Variants in PCDHGB2 observed in about 807,000 individuals in gnomAD.
The protein encoded by PCDHGB2 is protocadherin gamma-B2.
In PCDHGB2, 55 loss-of-function variants were observed where a neutral mutation model predicts 59.3. The observed-to-expected ratio is 0.93, with a 90% confidence interval of 0.75 to 1.16. The LOEUF (loss-of-function observed/expected upper bound fraction) is 1.16. Among genes scored for constraint, PCDHGB2 ranks in the 50% most tolerant of loss-of-function variants. The pLI is 0.00. For missense variants in PCDHGB2, 1,228 were observed against 1,198.5 expected (o/e 1.02, Z -0.36); for synonymous variants, 516 against 512.0 (o/e 1.01, Z -0.11).
chr5:141,375,892 G>T (rs753797132), intron 1 of PCDHGB2: 1 of 1,613,794 alleles, frequency 6.2e-7, no homozygotes, highest in African/African-American at 1.3e-5. Context: ...AGAACGCCTG[G>T]CTGTCCTACC....
Position 141,422,832 on chromosome 5 carries a change from A to G in PCDHGB2, c.2421+60276A>G, listed in dbSNP as rs12520854. On this transcript the variant is annotated intron_variant, in intron 1 of 3. Coordinates refer to ENST00000522605, the MANE Select transcript of PCDHGB2 (RefSeq NM_018923.3). Reference sequence around the variant, plus strand: ...GAGACTTAGAACTGAGAGTGATAGCACGTGACAGCGGGGACCCGCCCCTCA... The same window carrying G: ...GAGACTTAGAACTGAGAGTGATAGCGCGTGACAGCGGGGACCCGCCCCTCA... The G allele has an allele frequency of 6.8e-3, 10,902 of 1,614,192 alleles. 60 individuals are homozygous for G. The highest frequency in any genetic ancestry group is 7.9e-3 in the Non-Finnish European group (9,294 of 1,180,036).
chr5:141,389,443 A>G (rs2091769935), intron 1 of PCDHGB2: 1 of 1,610,442 alleles, frequency 6.2e-7, no homozygotes, highest in Non-Finnish European at 8.5e-7. Context: ...GCCTTCGACC[A>G]CGAGCAGCTG....
chr5:141,386,419 G>T (rs952384075), intron 1 of PCDHGB2, among the ~76,000 whole-genome samples: 1 of 152,112 alleles, frequency 6.6e-6, no homozygotes, highest in African/African-American at 2.4e-5. Flanking sequence ...GTTGCAAGCT[G>T]TAGCCCACCT....
intron 1 of PCDHGB2, among the ~76,000 whole-genome samples, chr5:141,381,978 C>T (rs1002371340): frequency 6.6e-6 from 1 of 151,452 alleles, no homozygotes; most frequent in Non-Finnish European, 1.5e-5. Flanking sequence ...TACAGGCGCG[C>T]GCCACCACGC....
chr5:141,429,377 GTT>G (rs566693637), intron 1 of PCDHGB2, among the ~76,000 whole-genome samples: 7 of 149,436 alleles, frequency 4.7e-5, no homozygotes, highest in African/African-American at 1.7e-4. Flanking sequence ...GAGAAAATGT[GTT>G]TTTTTTTTAA....
At chr5:141,483,980 G>A (rs1379963326) in intron 1 of PCDHGB2, among the ~76,000 whole-genome samples, 4 of 148,294 alleles carry the variant, frequency 2.7e-5, no homozygotes, top group Non-Finnish European at 5.9e-5. Flanking sequence ...CAAGGGAGTA[G>A]CTAGGTTGCT....
intron 1 of PCDHGB2, chr5:141,384,848 G>C (rs1373934020): frequency 1.2e-6 from 2 of 1,613,600 alleles, no homozygotes; most frequent in South Asian, 2.2e-5. Flanking sequence ...CAGGACCACG[G>C]TCAGCCTCCT....
intron 1 of PCDHGB2, chr5:141,378,634 T>C (rs1775059163): frequency 6.6e-6 from 1 of 152,196 alleles, no homozygotes; most frequent in African/African-American, 2.4e-5. Context: ...GACTGGTGAA[T>C]GGGAGAACAA....
intron 1 of PCDHGB2, among the ~76,000 whole-genome samples, chr5:141,446,149 G>T (rs2098490670): frequency 6.6e-6 from 1 of 152,178 alleles, no homozygotes; most frequent in Non-Finnish European, 1.5e-5. Context: ...GGAATAGGTG[G>T]AATATAAATT....
At chr5:141,394,777 C>T (rs2093090848) in intron 1 of PCDHGB2, 5 of 1,613,516 alleles carry the variant, frequency 3.1e-6, no homozygotes, top group African/African-American at 2.7e-5. Flanking sequence ...CCCCCTCTCT[C>T]CGCCACTGTC....
In PCDHGB2 at chr5:141,393,826, A is replaced by T. The variant is rs1182278213; in HGVS notation, c.2421+31270A>T. 6.2e-7 allele frequency: 1 copy of T among 1,613,988 alleles called. No homozygotes were observed. Among genetic ancestry groups the T allele is most frequent in the African/African-American group, 1.3e-5 (1 of 75,050 alleles). Reference sequence around the variant, plus strand: ...AGGACCAAATTGCTCATTTCGGTGGAAGATGTAAATGACAATAGACCAGAA... The same window carrying T: ...AGGACCAAATTGCTCATTTCGGTGGTAGATGTAAATGACAATAGACCAGAA... On this transcript the variant is annotated intron_variant, in intron 1 of 3. Coordinates refer to ENST00000522605, the MANE Select transcript of PCDHGB2 (RefSeq NM_018923.3).
chr5:141,373,122 C>T (rs1449230885), intron 1 of PCDHGB2, among the ~76,000 whole-genome samples: 5 of 152,156 alleles, frequency 3.3e-5, no homozygotes, highest in African/African-American at 1.2e-4. Flanking sequence ...CAGAATTAGA[C>T]CCAAATCCTC....
rs1345224043 is a variant in PCDHGB2, at chr5:141,487,695, C to G, written c.2422-7112C>G. Reference sequence around the variant, plus strand: ...TGGCTAGGCCATGTCCTAGAGAGTACTGGCCTCTCAGTAAGTGCCCATAGT... The same window carrying G: ...TGGCTAGGCCATGTCCTAGAGAGTAGTGGCCTCTCAGTAAGTGCCCATAGT... On this transcript the variant is annotated intron_variant, in intron 1 of 3. Transcript: ENST00000522605. The surrounding 1 kb of genome is among the most constrained non-coding windows in gnomAD (Gnocchi z 5.0). 1 of 1,601,306 alleles carries G rather than the reference C, an allele frequency of 6.2e-7. No individual in the cohort carries two copies.
chr5:141,438,617 TATATATATATATATATATACAC>T (rs1342425883), intron 1 of PCDHGB2, among the ~76,000 whole-genome samples: 18 of 37,162 alleles, frequency 4.8e-4, no homozygotes, highest in Admixed American at 2.0e-3. Flanking sequence ...TATATATATA[TATATATATATATATATATACAC>T]ACACACACAC....
At chr5:141,381,820 C>CT (rs1279410534) in intron 1 of PCDHGB2, among the ~76,000 whole-genome samples, 1,304 of 119,684 alleles carry the variant, frequency 0.011, 14 homozygotes, top group African/African-American at 0.028. Context: ...TTCTTTCTTT[C>CT]TTCTTCTTTT....
intron 1 of PCDHGB2, chr5:141,415,791 CCTAGTCTCAA>C: frequency 2.2e-6 from 3 of 1,341,938 alleles, no homozygotes; most frequent in Non-Finnish European, 1.9e-6. Flanking sequence ...GTAAAATTCA[CCTAGTCTCAA>C]TCAAGGCCTA....
At chr5:141,475,895 C>A (rs2099379056) in intron 1 of PCDHGB2, 1 of 568,558 alleles carries the variant, frequency 1.8e-6, no homozygotes, top group African/African-American at 1.9e-5. Context: ...ACTCTGTGTG[C>A]CGCTGTCGGC....
At chr5:141,458,094 A>G (rs1036190372) in intron 1 of PCDHGB2, among the ~76,000 whole-genome samples, 3 of 152,260 alleles carry the variant, frequency 2.0e-5, no homozygotes, top group African/African-American at 7.2e-5. Context: ...AGTTAAGAGT[A>G]CTTACAGATA....
At chr5:141,447,650 T>TC (rs1036312126) in intron 1 of PCDHGB2, among the ~76,000 whole-genome samples, 5 of 151,988 alleles carry the variant, frequency 3.3e-5, no homozygotes, top group Non-Finnish European at 5.9e-5. Context: ...GGTAGAATTT[T>TC]CCCCCCCAGG....
Sources: gnomAD v4.1 joint callset for allele counts (sites outside exome capture counted in the v4.1 genomes callset) on GRCh38, gnomAD v4.1.1 for gene constraint, Gnocchi (gnomAD v3.1) non-coding constraint, MANE v1.5 for transcripts, NCBI Gene and HGNC (gene_info 2026-07-23, HGNC 2026-07-21) for gene names.